Variants in PLEKHG1 observed in about 807,000 individuals in gnomAD.
The protein encoded by PLEKHG1 is pleckstrin homology domain-containing family G member 1.
PLEKHG1 carries 44 observed loss-of-function variants against 100.8 expected under a neutral mutation model. The observed-to-expected ratio is 0.44, with a 90% CI of 0.34 to 0.56. The LOEUF (loss-of-function observed/expected upper bound fraction) is 0.56, where lower values mean the gene tolerates loss of function less well. Among genes scored for constraint, PLEKHG1 ranks in the 20% least tolerant of loss-of-function variants. The probability of loss-of-function intolerance (pLI) is 0.01; values close to 1 mark genes in which losing one functional copy is unlikely to be tolerated. For synonymous variants in PLEKHG1, 640 were observed against 662.5 expected (o/e 0.97, Z 0.52); for missense variants, 1,545 against 1,720.9 (o/e 0.90, Z 1.81).
chr6:150,781,814 C>A (rs1394093413), intron 3 of PLEKHG1, among the ~76,000 whole-genome samples: 3 of 151,268 alleles, frequency 2.0e-5, no homozygotes, highest in Non-Finnish European at 4.4e-5. Flanking sequence ...CTGTGTCACC[C>A]AGGCTGGAGT....
At chr6:150,638,215 A>G (rs1778096406) in intron 2 of PLEKHG1, 1 of 152,270 alleles carries the variant, frequency 6.6e-6, no homozygotes, top group Admixed American at 6.5e-5. Flanking sequence ...TAAATTTTAG[A>G]TAGAATGTAT....
intron 10 of PLEKHG1, among the ~76,000 whole-genome samples, chr6:150,816,782 C>T (rs1775982998): frequency 6.6e-6 from 1 of 152,166 alleles, no homozygotes; most frequent in African/African-American, 2.4e-5. Context: ...TTATTATGGT[C>T]TCTGTGCAGT....
At chr6:150,630,693 G>A (rs1187460593) in intron 1 of PLEKHG1, among the ~76,000 whole-genome samples, 5 of 152,102 alleles carry the variant, frequency 3.3e-5, no homozygotes, top group Non-Finnish European at 5.9e-5. Context: ...TCAGGAGAGG[G>A]GGCCGGTGTG....
At chr6:150,815,386 T>C (rs1428432647) in intron 10 of PLEKHG1, among the ~76,000 whole-genome samples, 1 of 152,228 alleles carries the variant, frequency 6.6e-6, no homozygotes, top group Non-Finnish European at 1.5e-5. Flanking sequence ...ATTCTTGAAG[T>C]CAGCTTTACA....
intron 15 of PLEKHG1, among the ~76,000 whole-genome samples, chr6:150,836,960 G>A (rs1178864052): frequency 1.3e-5 from 2 of 152,052 alleles, no homozygotes; most frequent in Non-Finnish European, 1.5e-5. Context: ...TCAGGAGTTC[G>A]AGACCAGCTT....
At chr6:150,754,986 G>T (rs536172474) in intron 2 of PLEKHG1, among the ~76,000 whole-genome samples, 186 of 144,998 alleles carry the variant, frequency 1.3e-3, no homozygotes, top group South Asian at 8.6e-3. Flanking sequence ...AGGACTTTTT[G>T]TTTTTTTGAG....
intron 3 of PLEKHG1, among the ~76,000 whole-genome samples, chr6:150,690,784 A>G (rs967628186): frequency 2.0e-5 from 3 of 152,210 alleles, no homozygotes; most frequent in African/African-American, 7.2e-5. Flanking sequence ...TATGTTGCAA[A>G]CAAGTTATTT....
chr6:150,621,053 C>T (rs1326172022), intron 1 of PLEKHG1, among the ~76,000 whole-genome samples: 3 of 152,188 alleles, frequency 2.0e-5, no homozygotes, highest in Non-Finnish European at 4.4e-5. Context: ...CTCTGTGCCT[C>T]AGTTTTCTAC....
chr6:150,774,362 T>C (rs1784848146), intron 3 of PLEKHG1, among the ~76,000 whole-genome samples: 1 of 152,152 alleles, frequency 6.6e-6, no homozygotes, highest in African/African-American at 2.4e-5. Flanking sequence ...ATATTGAGTT[T>C]TATTCATTGC....
intron 3 of PLEKHG1, among the ~76,000 whole-genome samples, chr6:150,785,587 G>A (rs1419121310): frequency 6.6e-6 from 1 of 152,068 alleles, no homozygotes; most frequent in African/African-American, 2.4e-5. Context: ...TCCCTTCCCA[G>A]CATATCTCTC....
In PLEKHG1 at chr6:150,840,096, C is replaced by T. The variant is rs748075879; in HGVS notation, c.3358C>T (p.Pro1120Ser). The T allele has an allele frequency of 8.1e-6, 13 of 1,614,208 alleles. No individual in the cohort carries two copies. The highest frequency in any genetic ancestry group is 1.0e-5 in the Non-Finnish European group (12 of 1,180,036). Reference sequence around the variant, plus strand: ...GTTTGAGATCAATACAAAAAGTACTCCCAGGCAATTGTCCGCAGCTTGCTC... The same window carrying T: ...GTTTGAGATCAATACAAAAAGTACTTCCAGGCAATTGTCCGCAGCTTGCTC... Residue 1120 changes from proline (P) to serine (S), a missense_variant, in exon 16 of 16, where the codon CCC becomes TCC. Coordinates refer to ENST00000358517, the Ensembl canonical transcript of PLEKHG1.
intron 1 of PLEKHG1, among the ~76,000 whole-genome samples, chr6:150,611,837 T>G (rs1049890671): frequency 6.9e-6 from 1 of 145,318 alleles, no homozygotes; most frequent in African/African-American, 2.5e-5. Context: ...AGAAAGAAAA[T>G]AATGACATTT....
At chr6:150,738,869 A>G (rs547700559) in intron 2 of PLEKHG1, among the ~76,000 whole-genome samples, 11 of 152,358 alleles carry the variant, frequency 7.2e-5, no homozygotes, top group South Asian at 2.1e-4. Flanking sequence ...TTCACAGATA[A>G]AATGAGATGA....
intron 5 of PLEKHG1, among the ~76,000 whole-genome samples, chr6:150,798,413 T>C (rs1050813055): frequency 2.0e-5 from 3 of 152,196 alleles, no homozygotes; most frequent in Non-Finnish European, 4.4e-5. Flanking sequence ...ATTCAGAAGA[T>C]TTTGTGATTT....
intron 2 of PLEKHG1, among the ~76,000 whole-genome samples, chr6:150,764,134 T>TTTTA (rs58030958): frequency 6.6e-6 from 1 of 151,630 alleles, no homozygotes; most frequent in East Asian, 1.9e-4. Context: ...TTTTTTTTTT[T>TTTTA]AAGACAGAGT....
At chr6:150,671,198 T>G (rs1327340037) in intron 3 of PLEKHG1, among the ~76,000 whole-genome samples, 1 of 152,150 alleles carries the variant, frequency 6.6e-6, no homozygotes, top group African/African-American at 2.4e-5. Flanking sequence ...GCTATAAACA[T>G]GCCTGTGTAA....
chr6:150,758,676 A>T (rs1476444274), intron 2 of PLEKHG1, among the ~76,000 whole-genome samples: 1 of 152,192 alleles, frequency 6.6e-6, no homozygotes, highest in Non-Finnish European at 1.5e-5. Flanking sequence ...ACTAAGCATG[A>T]GATGGTATCT....
rs143678776 is a variant in PLEKHG1 at position 150,700,119 on chromosome 6, A to G, written c.-98-33465A>G. The stretch of plus-strand genomic sequence containing the variant: ...TACAGTGAATCGGGGTGAACCTGCC[A>G]GAGAGAAGCCTCCTGTATGTCTCAG... On this transcript the variant is annotated intron_variant, in intron 3 of 3. Transcript: ENST00000367326. Among the ~76,000 whole-genome samples, 8 of 152,328 alleles carry G rather than the reference A, an allele frequency of 5.3e-5. No homozygotes were observed. In the South Asian group the frequency reaches 8.3e-4, roughly 16 times the overall value.
At chr6:150,634,796 G>C (rs148166163) in intron 1 of PLEKHG1, among the ~76,000 whole-genome samples, 1 of 152,262 alleles carries the variant, frequency 6.6e-6, no homozygotes, top group Middle Eastern at 3.4e-3. Context: ...TTGGAGATAC[G>C]TCATCATTTT....
Sources: allele counts gnomAD v4.1 joint callset (sites outside exome capture counted in the v4.1 genomes callset), GRCh38; gene constraint gnomAD v4.1.1; transcripts MANE v1.5; gene names NCBI Gene and HGNC (gene_info 2026-07-23, HGNC 2026-07-21).